Variants in TNFSF4 observed in about 807,000 individuals in gnomAD.
TNFSF4 encodes TNF superfamily member 4, also known as tumor necrosis factor ligand superfamily member 4.
Under a neutral mutation model 7.3 loss-of-function variants are expected in TNFSF4, and 4 were observed. The observed-to-expected ratio is 0.55, with a 90% CI of 0.27 to 1.25. TNFSF4 has a LOEUF of 1.25. TNFSF4 is among the 50% of genes most tolerant of loss of function. The pLI is 0.12. For synonymous variants in TNFSF4, 76 were observed against 83.7 expected (o/e 0.91, Z 0.50); for missense variants, 181 against 208.8 (o/e 0.87, Z 0.82).
At chr1:173,383,398 A>T in the TNFSF4 span, among the ~76,000 whole-genome samples, 1 of 152,226 alleles carries the variant, frequency 6.6e-6, no homozygotes, top group Admixed American at 6.5e-5. Flanking sequence ...TTAAACCAAG[A>T]TCCATTAACA....
At chr1:173,407,559 CA>C in the TNFSF4 span, among the ~76,000 whole-genome samples, 30,388 of 71,572 alleles carry the variant, frequency 0.42, 2,989 homozygotes, top group Middle Eastern at 0.55. Flanking sequence ...GACTCTGCCT[CA>C]AAAAAAAAAA....
the TNFSF4 span, among the ~76,000 whole-genome samples, chr1:173,354,786 C>G: frequency 6.6e-6 from 1 of 152,182 alleles, no homozygotes; most frequent in Non-Finnish European, 1.5e-5. Flanking sequence ...AGGTTACCCT[C>G]CCTACAAAAT....
chr1:173,194,509 A>G (rs1400968243), intron 1 of TNFSF4, among the ~76,000 whole-genome samples: 1 of 152,164 alleles, frequency 6.6e-6, no homozygotes, highest in Non-Finnish European at 1.5e-5. Context: ...AAAGACAGAG[A>G]AGAGCTGGAT....
the TNFSF4 span, among the ~76,000 whole-genome samples, chr1:173,275,762 G>A: frequency 6.6e-6 from 1 of 152,140 alleles, no homozygotes; most frequent in Non-Finnish European, 1.5e-5. Context: ...ACACACATCA[G>A]TCAGCAGCCC....
chr1:173,319,579 G>A, the TNFSF4 span, among the ~76,000 whole-genome samples: 1 of 152,186 alleles, frequency 6.6e-6, no homozygotes, highest in Non-Finnish European at 1.5e-5. Flanking sequence ...CACCCAACAG[G>A]GGTTGACAGA....
At chr1:173,442,881 C>T in the TNFSF4 span, among the ~76,000 whole-genome samples, 1 of 151,992 alleles carries the variant, frequency 6.6e-6, no homozygotes, top group Non-Finnish European at 1.5e-5. Context: ...GACGGAGTTT[C>T]ACCACGTTGG....
chr1:173,421,642 G>A, the TNFSF4 span, among the ~76,000 whole-genome samples: 3 of 151,574 alleles, frequency 2.0e-5, no homozygotes, highest in Admixed American at 6.6e-5. Context: ...TGATTTTCCC[G>A]TATCTGTCTT....
downstream of TNFSF4, among the ~76,000 whole-genome samples, chr1:173,179,836 G>C (rs894728829): frequency 6.6e-6 from 1 of 152,158 alleles, no homozygotes; most frequent in Non-Finnish European, 1.5e-5. Flanking sequence ...TAAGAAAGAA[G>C]CTAATAACCA....
At chr1:173,231,851 C>T in the TNFSF4 span, among the ~76,000 whole-genome samples, 1 of 152,100 alleles carries the variant, frequency 6.6e-6, no homozygotes, top group Admixed American at 6.5e-5. Flanking sequence ...CATGAGTGAA[C>T]TCCCATTCAC....
At chr1:173,426,075 T>A in the TNFSF4 span, among the ~76,000 whole-genome samples, 1 of 152,226 alleles carries the variant, frequency 6.6e-6, no homozygotes, top group Non-Finnish European at 1.5e-5. Flanking sequence ...GCTGTATCAA[T>A]AGAAGTTTAT....
chr1:173,377,184 A>G, the TNFSF4 span, among the ~76,000 whole-genome samples: 1 of 152,186 alleles, frequency 6.6e-6, no homozygotes, highest in Admixed American at 6.5e-5. Context: ...TTTGGCAACC[A>G]CAAATGTACA....
At chr1:173,224,336 T>C in the TNFSF4 span, among the ~76,000 whole-genome samples, 1 of 152,216 alleles carries the variant, frequency 6.6e-6, no homozygotes, top group Non-Finnish European at 1.5e-5. Flanking sequence ...ACTCCAGCCC[T>C]GTGTGGAATA....
the TNFSF4 span, among the ~76,000 whole-genome samples, chr1:173,280,911 G>A: frequency 6.6e-6 from 1 of 151,834 alleles, no homozygotes; most frequent in Non-Finnish European, 1.5e-5. Context: ...TAAACTCCCG[G>A]GCAATAACCT....
chr1:173,179,117 T>C (rs1371935455), downstream of TNFSF4, among the ~76,000 whole-genome samples: 1 of 152,306 alleles, frequency 6.6e-6, no homozygotes, highest in East Asian at 1.9e-4. Flanking sequence ...TTCAGAACTC[T>C]CAGAGAATAA....
At chr1:173,385,377 T>C in the TNFSF4 span, among the ~76,000 whole-genome samples, 2 of 152,198 alleles carry the variant, frequency 1.3e-5, no homozygotes, top group African/African-American at 4.8e-5. Flanking sequence ...AGAAATATTA[T>C]TCAAAGTTGC....
the TNFSF4 span, among the ~76,000 whole-genome samples, chr1:173,294,234 A>C: frequency 1.3e-5 from 2 of 152,158 alleles, no homozygotes; most frequent in South Asian, 4.1e-4. Context: ...CTAGATAAAG[A>C]AAATGTGGTA....
the TNFSF4 span, chr1:173,363,639 T>C: frequency 5.2e-5 from 20 of 385,496 alleles, no homozygotes; most frequent in Non-Finnish European, 8.6e-5. Context: ...ATGGATGTAC[T>C]ACATTTGGAG....
At chr1:173,441,343 C>A in the TNFSF4 span, among the ~76,000 whole-genome samples, 2 of 152,170 alleles carry the variant, frequency 1.3e-5, no homozygotes, top group East Asian at 3.9e-4. Flanking sequence ...TAGCTCCCCT[C>A]CCTTACCATT....
the TNFSF4 span, among the ~76,000 whole-genome samples, chr1:173,251,820 T>A: frequency 1.3e-5 from 2 of 152,172 alleles, no homozygotes; most frequent in Admixed American, 1.3e-4. Flanking sequence ...GACACTACTG[T>A]GGAGGAGTCA....
Sources: allele counts gnomAD v4.1 joint callset (sites outside exome capture counted in the v4.1 genomes callset), GRCh38; gene constraint gnomAD v4.1.1; transcripts MANE v1.5; gene names NCBI Gene and HGNC (gene_info 2026-07-23, HGNC 2026-07-21).